The following DNAH8 variants were observed in gnomAD, a reference collection of about 807,000 sequenced individuals.
DNAH8 encodes dynein axonemal heavy chain 8.
DNAH8 carries 382 observed loss-of-function variants against 562.1 expected under a neutral mutation model. That is an observed-to-expected ratio of 0.68 (90% CI 0.63 to 0.74). The LOEUF is 0.74. DNAH8 is among the 30% of genes least tolerant of loss of function. The pLI is 0.00. For synonymous variants in DNAH8, 1,881 were observed against 1,919.4 expected, an observed-to-expected ratio of 0.98 and a Z score of 0.52; for missense variants, 5,203 against 5,620.4, an observed-to-expected ratio of 0.93 and a Z score of 2.37.
chr6:38,884,031 G>A (rs1583271017), intron 56 of DNAH8, 33 bp downstream of exon 56: 2 of 1,385,412 alleles, frequency 1.4e-6, no homozygotes, highest in Admixed American at 2.5e-5. Flanking sequence ...AGATGATCCT[G>A]AATTTGTATT....
Position 38,866,888 on chromosome 6 carries a change from G to T in DNAH8, c.6693+12G>T. The T allele has an allele frequency of 6.6e-7, 1 of 1,514,576 alleles. No homozygotes were observed. The highest frequency in any genetic ancestry group is 1.1e-5 in the South Asian group (1 of 87,886). 93.8% of individuals were successfully genotyped at this position (1,514,576 alleles called of 1,614,324 possible). A position where few individuals can be genotyped will look rare whatever the true frequency, so the allele number is the denominator to read the frequency against. ...AACTTACTAAACAGGTAACTTTATAGATCTGCTTTCCTCCTAGCAATAGTA... is the reference window on the plus strand; with the variant it reads ...AACTTACTAAACAGGTAACTTTATATATCTGCTTTCCTCCTAGCAATAGTA... On this transcript the variant is annotated intron_variant, in intron 47 of 92. Coordinates refer to ENST00000327475, the MANE Select transcript of DNAH8 (RefSeq NM_001206927.2).
chr6:38,983,504 T>C (rs1764173987), intron 86 of DNAH8, among the ~76,000 whole-genome samples: 1 of 152,208 alleles, frequency 6.6e-6, no homozygotes, highest in African/African-American at 2.4e-5. Flanking sequence ...TACATACAAA[T>C]AATAGTTACC....
intron 44 of DNAH8, among the ~76,000 whole-genome samples, chr6:38,862,925 T>G (rs1373122016): frequency 6.6e-6 from 1 of 152,162 alleles, no homozygotes; most frequent in Non-Finnish European, 1.5e-5. Context: ...TGAAGACACA[T>G]CAACCTCAGA....
chr6:38,734,464 T>C lies in DNAH8; in HGVS notation c.611-10T>C, dbSNP rs1270284080. On this transcript the variant is annotated splice_polypyrimidine_tract_variant and intron_variant, in intron 4 of 92. Transcript: ENST00000327475. The stretch of plus-strand genomic sequence containing the variant: ...TGATTATACGCTAAGTTCTTGACTT[T>C]TGTTTTCAGAATGTGGTCGAACTAT... The C allele has an allele frequency of 6.2e-7, 1 of 1,613,492 alleles. No individual in the cohort carries two copies. Among genetic ancestry groups the C allele is most frequent in the African/African-American group, 1.3e-5 (1 of 75,008 alleles).
In DNAH8 at chr6:38,827,744, T is replaced by TAC. The variant is rs1773485096; in HGVS notation, c.4084-440_4084-439insAC. On this transcript the variant is annotated intron_variant, in intron 29 of 92. Coordinates refer to ENST00000327475, the MANE Select transcript of DNAH8 (RefSeq NM_001206927.2). ...AATTCTTTACCAAACTTTTTTTTTT[T>TAC]TTTTTTTTTTTTTTTTTTTTTTTTT... Among the ~76,000 whole-genome samples, 2 of 89,712 alleles carry TAC rather than the reference T, an allele frequency of 2.2e-5. 1 individual carries two copies. The highest frequency in any genetic ancestry group is 8.7e-4 in the South Asian group (2 of 2,308). 58.9% of individuals were successfully genotyped at this position (89,712 alleles called of 152,430 possible). A position where few individuals can be genotyped will look rare whatever the true frequency, so the allele number is the denominator to read the frequency against.
At chr6:38,846,182 A>G (rs144708038) in intron 36 of DNAH8, among the ~76,000 whole-genome samples, 30 of 152,292 alleles carry the variant, frequency 2.0e-4, no homozygotes, top group Non-Finnish European at 2.2e-4. Flanking sequence ...CGTGAGAGCA[A>G]TCTACCACTA....
At chr6:38,844,515 A>G (rs1268206996) in intron 35 of DNAH8, among the ~76,000 whole-genome samples, 1 of 152,212 alleles carries the variant, frequency 6.6e-6, no homozygotes, top group Non-Finnish European at 1.5e-5. Context: ...AATATCACTA[A>G]GAAACAAAGA....
At chr6:38,915,157 T>C in intron 67 of DNAH8, 44 bp from the exon 68 acceptor site, 1 of 1,540,734 alleles carries the variant, frequency 6.5e-7, no homozygotes, top group Non-Finnish European at 8.7e-7. Flanking sequence ...AAATTTTGCT[T>C]GAAAGGTTTC....
chr6:38,752,391 C>T lies in DNAH8; in HGVS notation c.1407+1802C>T, dbSNP rs147613299. On this transcript the variant is annotated intron_variant, in intron 9 of 92. Coordinates refer to ENST00000327475, the MANE Select transcript of DNAH8 (RefSeq NM_001206927.2). ...ATTGGCCAGGCTGCTCTCAAACTCC[C>T]GACCTCAAGTGATCTGCCCGCCTCC... Among the ~76,000 whole-genome samples the T allele has an allele frequency of 1.4e-3, 212 of 152,344 alleles. 1 individual carries two copies. The highest frequency in any genetic ancestry group is 4.9e-3 in the African/African-American group (205 of 41,576).
intron 75 of DNAH8, among the ~76,000 whole-genome samples, chr6:38,930,011 A>G (rs2150574661): frequency 6.6e-6 from 1 of 152,286 alleles, no homozygotes; most frequent in African/African-American, 2.4e-5. Context: ...CAGTATATAT[A>G]TGTTTAAGCA....
chr6:38,984,479 CA>C, intron 87 of DNAH8, 172 bp downstream of exon 87: 1 of 563,596 alleles, frequency 1.8e-6, no homozygotes, highest in Non-Finnish European at 3.2e-6. Context: ...TGCACACACA[CA>C]CACACACACA....
At chr6:38,929,765 G>A in intron 75 of DNAH8, 99 bp downstream of exon 75, 1 of 1,129,318 alleles carries the variant, frequency 8.9e-7, no homozygotes, top group Non-Finnish European at 1.2e-6. Flanking sequence ...GAACAATGGT[G>A]ACATCTACTT....
At chr6:38,985,593 G>A (rs970820415) in intron 87 of DNAH8, among the ~76,000 whole-genome samples, 1 of 152,168 alleles carries the variant, frequency 6.6e-6, no homozygotes, top group Admixed American at 6.5e-5. Flanking sequence ...GAGGTCAAAT[G>A]GACACAGACC....
intron 10 of DNAH8, among the ~76,000 whole-genome samples, chr6:38,759,366 T>C (rs1362354673): frequency 6.6e-6 from 1 of 152,118 alleles, no homozygotes. Context: ...AAAACCCACA[T>C]GAATAGAATT....
rs183625312 is a variant in DNAH8, at chr6:38,970,648, C to T, written c.12452-944C>T. On this transcript the variant is annotated intron_variant, in intron 82 of 92. Coordinates refer to ENST00000327475, the MANE Select transcript of DNAH8 (RefSeq NM_001206927.2). ...GTGTCTCTGGTTTCTGACATACTTC[C>T]CTCCCCACCCCATGAAGTCTCCAGC... is the stretch of plus-strand genomic sequence containing the variant. Among the ~76,000 whole-genome samples, 176 of 152,242 alleles carry T rather than the reference C, an allele frequency of 1.2e-3. No homozygotes were observed. In the Middle Eastern group the frequency reaches 0.017, roughly 15 times the overall value.
At chr6:38,805,136 G>A (rs190368314) in intron 22 of DNAH8, among the ~76,000 whole-genome samples, 11 of 152,094 alleles carry the variant, frequency 7.2e-5, no homozygotes, top group South Asian at 2.1e-4. Flanking sequence ...CATCACAAGC[G>A]TCAAAAACAC....
intron 1 of DNAH8, among the ~76,000 whole-genome samples, chr6:38,716,160 A>G (rs1014675446): frequency 8.0e-5 from 12 of 150,126 alleles, no homozygotes; most frequent in African/African-American, 3.0e-4. Context: ...ACGGGGTTTC[A>G]CAGTGTTAGC....
intron 4 of DNAH8, among the ~76,000 whole-genome samples, chr6:38,734,003 G>A (rs1227003998): frequency 6.6e-6 from 1 of 151,508 alleles, no homozygotes; most frequent in Non-Finnish European, 1.5e-5. Flanking sequence ...GCAATTATTG[G>A]CCAGGCATGG....
chr6:38,873,638 C>T (rs1437583416), intron 52 of DNAH8, among the ~76,000 whole-genome samples: 1 of 151,530 alleles, frequency 6.6e-6, no homozygotes, highest in African/African-American at 2.4e-5. Flanking sequence ...GTTTAGTGAC[C>T]TGTCCCATAA....
Sources: gnomAD v4.1 joint callset for allele counts (sites outside exome capture counted in the v4.1 genomes callset) on GRCh38, gnomAD v4.1.1 for gene constraint, MANE v1.5 for transcripts, NCBI Gene and HGNC (gene_info 2026-07-23, HGNC 2026-07-21) for gene names.